DHX32: variants seen among roughly 807,000 people sequenced by gnomAD.
DHX32 encodes DEAH-box helicase 32 (putative).
Under a neutral mutation model 70.0 loss-of-function variants are expected in DHX32, and 51 were observed. The ratio of observed to expected loss-of-function variants is 0.73; its 90% CI spans 0.58 to 0.92. DHX32 has a LOEUF of 0.92. Among genes scored for constraint, DHX32 ranks in the 40% least tolerant of loss-of-function variants. The pLI, the probability that DHX32 is intolerant of heterozygous loss-of-function variation, is 0.00. For synonymous variants in DHX32, 310 were observed against 315.3 expected (o/e 0.98, Z 0.18); for missense variants, 762 against 891.8 (o/e 0.85, Z 1.85).
intron 1 of DHX32, among the ~76,000 whole-genome samples, chr10:125,878,379 T>C (rs530595389): frequency 4.1e-4 from 63 of 152,304 alleles, no homozygotes; most frequent in African/African-American, 1.5e-3. Flanking sequence ...CATAACAAAC[T>C]TCACCTTCAT....
At chr10:125,850,630 G>T (rs963026482) in intron 6 of DHX32, among the ~76,000 whole-genome samples, 1 of 152,026 alleles carries the variant, frequency 6.6e-6, no homozygotes, top group Non-Finnish European at 1.5e-5. Flanking sequence ...GCTGGGATTA[G>T]AGGCGTGAGC....
intron 1 of DHX32, among the ~76,000 whole-genome samples, chr10:125,874,940 T>C (rs10901457): frequency 0.35 from 53,597 of 152,030 alleles, 10,338 homozygotes; most frequent in Non-Finnish European, 0.44. Flanking sequence ...AAAGCAATGA[T>C]AGGCCGGGTG....
At chr10:125,841,472 T>C in intron 7 of DHX32, 1 of 1,475,460 alleles carries the variant, frequency 6.8e-7, no homozygotes, top group Non-Finnish European at 9.0e-7. Context: ...CTGCACTGAT[T>C]ATTTCAGCAA....
chr10:125,894,226 A>G (rs145563373), intron 1 of DHX32, among the ~76,000 whole-genome samples: 2 of 151,098 alleles, frequency 1.3e-5, no homozygotes, highest in African/African-American at 4.9e-5. Context: ...TTCATCCCCC[A>G]CCCCTATCTC....
At chr10:125,880,049 A>C (rs919043525) in intron 1 of DHX32, among the ~76,000 whole-genome samples, 4 of 152,180 alleles carry the variant, frequency 2.6e-5, no homozygotes, top group African/African-American at 9.7e-5. Flanking sequence ...GATCATATTT[A>C]GTTGCTCAGT....
chr10:125,884,475 T>A (rs1458339434), upstream of DHX32, among the ~76,000 whole-genome samples: 1 of 152,258 alleles, frequency 6.6e-6, no homozygotes, highest in Non-Finnish European at 1.5e-5. Flanking sequence ...TTCAAAGCTA[T>A]CATACATGTA....
intron 2 of DHX32, among the ~76,000 whole-genome samples, chr10:125,861,698 C>T (rs1174242079): frequency 1.3e-5 from 2 of 152,152 alleles, no homozygotes; most frequent in Admixed American, 6.5e-5. Flanking sequence ...ATGAAGTGCA[C>T]GGTTTGTGAC....
intron 7 of DHX32, 71 bp downstream of exon 7, chr10:125,841,672 A>G: frequency 1.3e-6 from 2 of 1,553,202 alleles, no homozygotes; most frequent in African/African-American, 2.8e-5. Flanking sequence ...TATAATTTCA[A>G]ATGGATCCGA....
chr10:125,891,755 T>C (rs77272842), intron 1 of DHX32, among the ~76,000 whole-genome samples: 1 of 151,234 alleles, frequency 6.6e-6, no homozygotes, highest in Non-Finnish European at 1.5e-5. Context: ...ATGCATGAAC[T>C]CCTCAGGAGT....
At chr10:125,863,462 T>C (rs970050924) in intron 2 of DHX32, among the ~76,000 whole-genome samples, 1 of 152,058 alleles carries the variant, frequency 6.6e-6, no homozygotes, top group Non-Finnish European at 1.5e-5. Flanking sequence ...TTTTTTTTTT[T>C]TTTGAGATGG....
intron 10 of DHX32, among the ~76,000 whole-genome samples, chr10:125,837,771 C>T (rs774073387): frequency 5.9e-5 from 9 of 152,182 alleles, no homozygotes; most frequent in Non-Finnish European, 1.0e-4. Flanking sequence ...TTGCTGTGTA[C>T]TGCACTTAGA....
chr10:125,849,689 C>T (rs528399317), intron 6 of DHX32, among the ~76,000 whole-genome samples: 8 of 152,250 alleles, frequency 5.3e-5, no homozygotes, highest in African/African-American at 1.4e-4. Flanking sequence ...ATGTGAGGGC[C>T]GTTGGCAGCC....
At chr10:125,843,284 A>T (rs1014663658) in intron 6 of DHX32, among the ~76,000 whole-genome samples, 2 of 151,924 alleles carry the variant, frequency 1.3e-5, no homozygotes, top group East Asian at 3.9e-4. Context: ...TATGGTAAAA[A>T]TTTTCTTATG....
chr10:125,889,333 C>T (rs1944356805), intron 1 of DHX32, among the ~76,000 whole-genome samples: 1 of 152,136 alleles, frequency 6.6e-6, no homozygotes, highest in East Asian at 1.9e-4. Flanking sequence ...CTGCTGAACT[C>T]ATAAACAATA....
intron 3 of DHX32, among the ~76,000 whole-genome samples, chr10:125,858,056 T>G (rs998285760): frequency 6.6e-6 from 1 of 151,976 alleles, no homozygotes; most frequent in Non-Finnish European, 1.5e-5. Flanking sequence ...TGAGCCACCA[T>G]GCCTGGCTAA....
chr10:125,859,045 G>GTTTTTTTT (rs71029270), intron 3 of DHX32, among the ~76,000 whole-genome samples: 3 of 141,748 alleles, frequency 2.1e-5, no homozygotes, highest in East Asian at 2.1e-4. Flanking sequence ...TTGTTTGTTT[G>GTTTTTTTT]TTTTTTTTTT....
Position 125,867,087 on chromosome 10 carries a change from C to T in DHX32, c.379G>A (p.Ala127Thr), listed in dbSNP as rs752780900. Residue 127 changes from alanine (A) to threonine (T), a missense_variant, in exon 2 of 11, where the codon GCC becomes ACC. This residue lies in a region of DHX32 where 394 missense variants were observed against 473.1 expected (regional missense o/e 0.83). Transcript: ENST00000284690. ...TCCATTTCATCCGCCACCCGCAGGG[C>T]GAGCTGGACCACAGTCTGCTTGTGG... ...QVHKQTVVQL[A>T]LRVADEMDVN... is the part of the protein sequence containing the mutation. The T allele has an allele frequency of 2.5e-6, 4 of 1,614,228 alleles. No individual in the cohort carries two copies. Among genetic ancestry groups the T allele is most frequent in the East Asian group, 4.5e-5 (2 of 44,886 alleles).
At chr10:125,852,181 C>T (rs1944099193) in intron 6 of DHX32, 112 bp downstream of exon 6, 1 of 1,337,496 alleles carries the variant, frequency 7.5e-7, no homozygotes, top group African/African-American at 1.5e-5. Context: ...AAACCAACGC[C>T]CCCTCCATGC....
Position 125,880,894 on chromosome 10 carries a change from A to G in DHX32, c.-70T>C. 6.5e-7 allele frequency: 1 copy of G among 1,532,774 alleles called. No homozygotes were observed. Among genetic ancestry groups the G allele is most frequent in the Non-Finnish European group, 8.8e-7 (1 of 1,139,458 alleles). The allele number at this position is 1,532,774 out of a possible 1,614,324, so 94.9% of individuals were successfully genotyped here. On this transcript the variant is annotated 5_prime_UTR_variant, in exon 1 of 11. Coordinates refer to ENST00000284690, the MANE Select transcript of DHX32 (RefSeq NM_018180.3). ...TTTCTCCTATCAGTAACCCATTGCA[A>G]ACAGGGCTTAAAAGCCTATTTATAC... is the stretch of plus-strand genomic sequence containing the variant.
Sources: gnomAD v4.1 joint callset for allele counts (sites outside exome capture counted in the v4.1 genomes callset) on GRCh38, gnomAD v4.1.1 for gene constraint, gnomAD v4.1.1 regional missense constraint, MANE v1.5 for transcripts, NCBI Gene and HGNC (gene_info 2026-07-23, HGNC 2026-07-21) for gene names.